The following SEPTIN1 variants were observed in gnomAD, a reference collection of about 807,000 sequenced individuals.
SEPTIN1 encodes the protein septin-1.
In SEPTIN1, 52 loss-of-function variants were observed where a neutral mutation model predicts 50.7. The observed-to-expected ratio is 1.03, with a 90% CI of 0.82 to 1.29. The LOEUF is 1.29. SEPTIN1 is among the 50% of genes most tolerant of loss of function. The pLI is 0.00. For missense variants in SEPTIN1, 455 were observed against 490.7 expected (o/e 0.93, Z 0.69); for synonymous variants, 204 against 189.1 (o/e 1.08, Z -0.65).
rs987724559 is a variant in SEPTIN1 at position 30,378,193 on chromosome 16, C to G, written c.*241G>C. 2.3e-5 allele frequency: 16 copies of G among 697,942 alleles called. No homozygotes were observed. The highest frequency in any genetic ancestry group is 4.1e-5 in the Non-Finnish European group (16 of 389,210). The allele number at this position is 697,942 out of a possible 1,614,324, so 43.2% of individuals were successfully genotyped here. A position where few individuals can be genotyped will look rare whatever the true frequency, so the allele number is the denominator to read the frequency against. On this transcript the variant is annotated 3_prime_UTR_variant, in exon 11 of 11. Coordinates refer to ENST00000321367, the MANE Select transcript of SEPTIN1 (RefSeq NM_001365977.2). ...GAGTCTGGGAGAAGAAGGGGGACTC[C>G]GGAAGACAGTGATGCGGTCGGAGAT...
In SEPTIN1 at chr16:30,379,967, C is replaced by T; in HGVS notation, c.640G>A (p.Asp214Asn). Reference sequence around the variant, plus strand: ...GCATCCTGCCTCTTGAAGTCTTCATCTTCATCAGAGTCACATTCGGGGAAC... The same window carrying T: ...GCATCCTGCCTCTTGAAGTCTTCATTTTCATCAGAGTCACATTCGGGGAAC... Reference protein sequence around the residue: ...YQFPECDSDEDEDFKRQDAEM... With the variant: ...YQFPECDSDENEDFKRQDAEM... Residue 214 changes from aspartate to asparagine, a missense_variant, in exon 7 of 11, where the codon GAT becomes AAT. Transcript: ENST00000321367. 1 of 1,605,708 alleles carries T rather than the reference C, an allele frequency of 6.2e-7. No individual in the cohort carries two copies.
At position 30,378,246 on chromosome 16, in the gene SEPTIN1, C is replaced by T. The variant is rs756967278; in HGVS notation, c.*188G>A. 40 of 663,188 alleles carry T rather than the reference C, an allele frequency of 6.0e-5. No individual in the cohort carries two copies. Among genetic ancestry groups the T allele is most frequent in the Non-Finnish European group, 8.2e-5 (31 of 379,370 alleles). The allele number at this position is 663,188 out of a possible 1,614,324, so 41.1% of individuals were successfully genotyped here. On this transcript the variant is annotated 3_prime_UTR_variant, in exon 11 of 11. Coordinates refer to ENST00000321367, the MANE Select transcript of SEPTIN1 (RefSeq NM_001365977.2). ...TGCAGGCCCCGGGCCGGGAAGTGGG[C>T]GGTGTCTGGGTGGGCGGGACCAGCG... is the stretch of plus-strand genomic sequence containing the variant.
Position 30,378,662 on chromosome 16 carries a change from G to A in SEPTIN1, c.980C>T (p.Pro327Leu). ...CTCGGTGTCCGCCAGAGGCAGCATG[G>A]GCAGCGGGATCTCTGTGGCGCTCTG... ...SRQSATEIPL[P>L]MLPLADTEKL... is the part of the protein sequence containing the mutation. The change falls in exon 10 of 11, where the codon CCC (proline) becomes CTC (leucine). Residue 327 changes from proline (P) to leucine (L), a missense_variant. Physicochemically the swap from Pro to Leu is moderately conservative, Grantham distance 98. Transcript: ENST00000321367. 2 of 1,609,778 alleles carry A rather than the reference G, an allele frequency of 1.2e-6. No individual in the cohort carries two copies. The highest frequency in any genetic ancestry group is 1.7e-6 in the Non-Finnish European group (2 of 1,179,852).
At chr16:30,379,675 G>T (rs1269770281) in intron 7 of SEPTIN1, 141 bp from the exon 8 acceptor site, 11 of 473,138 alleles carry the variant, frequency 2.3e-5, no homozygotes, top group Non-Finnish European at 3.6e-5. Flanking sequence ...TTGAGACAGG[G>T]TCTCACTCCA....
chr16:30,380,870 T>G, intron 6 of SEPTIN1: 1 of 521,360 alleles, frequency 1.9e-6, no homozygotes, highest in South Asian at 2.3e-5. Flanking sequence ...GAAGTCACTA[T>G]GTTCTCATGT....
At chr16:30,380,768 TAA>T (rs11325889) in intron 6 of SEPTIN1, 72 of 267,732 alleles carry the variant, frequency 2.7e-4, no homozygotes, top group African/African-American at 1.1e-3. Context: ...AGACTCTATC[TAA>T]AAAAAAAAAG....
At chr16:30,379,314 C>T (rs2049805234) in intron 8 of SEPTIN1, 121 bp downstream of exon 8, 3 of 1,434,556 alleles carry the variant, frequency 2.1e-6, no homozygotes, top group Non-Finnish European at 2.9e-6. Context: ...CCCAGCGACC[C>T]CCCTTTCCTC....
chr16:30,379,144 C>A lies in SEPTIN1; in HGVS notation c.815G>T (p.Arg272Leu). ...PHHCDFLNLRRMLVQTHLQDL... is the reference protein window; with the variant it reads ...PHHCDFLNLRLMLVQTHLQDL... ...CTGCAGGTGTGTCTGCACCAGCATC[C>A]GTCGCAGGTTCAGGAAATCGCAGTG... Residue 272 changes from arginine (R) to leucine (L), a missense_variant, in exon 9 of 11, where the codon CGG becomes CTG. Transcript: ENST00000321367. 6.2e-7 allele frequency: 1 copy of A among 1,614,130 alleles called. No homozygotes were observed. The highest frequency in any genetic ancestry group is 8.5e-7 in the Non-Finnish European group (1 of 1,180,018).
At chr16:30,382,746 C>T, upstream of SEPTIN1, 1 of 1,536,246 alleles carries the variant, frequency 6.5e-7, no homozygotes, top group East Asian at 2.4e-5. This position sits in a 1 kb window ranked among gnomAD's most constrained non-coding sequence, Gnocchi z 4.8. Flanking sequence ...TTCAACCCTC[C>T]ATCCTTCACA....
At chr16:30,379,322 C>A in intron 8 of SEPTIN1, 113 bp downstream of exon 8, 1 of 1,429,006 alleles carries the variant, frequency 7.0e-7, no homozygotes, top group Non-Finnish European at 9.7e-7. Context: ...CCCCCCTTTC[C>A]TCCTAGGATC....
chr16:30,378,161 G>T lies in SEPTIN1; in HGVS notation c.*273C>A. The T allele has an allele frequency of 1.4e-6, 1 of 710,628 alleles. No individual in the cohort carries two copies. The highest frequency in any genetic ancestry group is 2.5e-6 in the Non-Finnish European group (1 of 395,798). 44.0% of individuals were successfully genotyped at this position (710,628 alleles called of 1,614,324 possible). A position where few individuals can be genotyped will look rare whatever the true frequency, so the allele number is the denominator to read the frequency against. On this transcript the variant is annotated 3_prime_UTR_variant, in exon 11 of 11. Coordinates refer to ENST00000321367, the MANE Select transcript of SEPTIN1 (RefSeq NM_001365977.2). ...GGCCGCGGGAAGCTCAGTTTTTATT[G>T]AAGACAGAGTCTGGGAGAAGAAGGG...
intron 6 of SEPTIN1, chr16:30,380,250 T>TAAG (rs1230342620): frequency 2.9e-6 from 1 of 344,760 alleles, no homozygotes; most frequent in African/African-American, 2.1e-5. Context: ...GGGCAGACAT[T>TAAG]AAGAGACCAG....
At position 30,378,221 on chromosome 16, in the gene SEPTIN1, T is replaced by C. The variant is rs931532839; in HGVS notation, c.*213A>G. On this transcript the variant is annotated 3_prime_UTR_variant, in exon 11 of 11. Coordinates refer to ENST00000321367, the MANE Select transcript of SEPTIN1 (RefSeq NM_001365977.2). ...AAGACAGTGATGCGGTCGGAGATTG[T>C]GCAGGCCCCGGGCCGGGAAGTGGGC... 3.0e-6 allele frequency: 2 copies of C among 671,512 alleles called. No individual in the cohort carries two copies. The highest frequency in any genetic ancestry group is 1.8e-5 in the African/African-American group (1 of 55,172). 41.6% of individuals were successfully genotyped at this position (671,512 alleles called of 1,614,324 possible). A position where few individuals can be genotyped will look rare whatever the true frequency, so the allele number is the denominator to read the frequency against.
chr16:30,380,363 T>A, intron 6 of SEPTIN1: 1 of 160,490 alleles, frequency 6.2e-6, no homozygotes, highest in Non-Finnish European at 1.4e-5. Flanking sequence ...GTCCAGTGGC[T>A]CCATCTTGGT....
intron 6 of SEPTIN1, chr16:30,380,778 A>AG (rs111555174): frequency 5.3e-4 from 142 of 268,618 alleles, no homozygotes; most frequent in Middle Eastern, 1.4e-3. Flanking sequence ...TAAAAAAAAA[A>AG]AGAGAGAGAA....
At position 30,381,918 on chromosome 16, in the gene SEPTIN1, G is replaced by A. The variant is rs765064138; in HGVS notation, c.197-35C>T. The stretch of plus-strand genomic sequence containing the variant: ...GGGGGAGAGGTCAGGGATCCGGGGA[G>A]GCTCTGAGGCAGAATTAATTTCCTT... On this transcript the variant is annotated intron_variant, in intron 3 of 10. Transcript: ENST00000321367. The surrounding 1 kb of genome is among the most constrained non-coding windows in gnomAD (Gnocchi z 4.3). The A allele has an allele frequency of 1.2e-6, 2 of 1,612,556 alleles. No homozygotes were observed. Among genetic ancestry groups the A allele is most frequent in the Non-Finnish European group, 8.5e-7 (1 of 1,179,340 alleles).
chr16:30,381,912 C>T lies in SEPTIN1; in HGVS notation c.197-29G>A, dbSNP rs200443868. On this transcript the variant is annotated intron_variant, in intron 3 of 10. Coordinates refer to ENST00000321367, the MANE Select transcript of SEPTIN1 (RefSeq NM_001365977.2). This position sits in a 1 kb window ranked among gnomAD's most constrained non-coding sequence, Gnocchi z 4.3. ...TGGGATGGGGGAGAGGTCAGGGATC[C>T]GGGGAGGCTCTGAGGCAGAATTAAT... 21 of 1,613,216 alleles carry T rather than the reference C, an allele frequency of 1.3e-5. 1 individual carries two copies. In the East Asian group the frequency reaches 3.6e-4, roughly 27 times the overall value.
In SEPTIN1 at chr16:30,381,746, T is replaced by C; in HGVS notation, c.320+14A>G. The C allele has an allele frequency of 6.2e-7, 1 of 1,613,654 alleles. No individual in the cohort carries two copies. Among genetic ancestry groups the C allele is most frequent in the African/African-American group, 1.3e-5 (1 of 74,996 alleles). On this transcript the variant is annotated intron_variant, in intron 4 of 10. Coordinates refer to ENST00000321367, the MANE Select transcript of SEPTIN1 (RefSeq NM_001365977.2). This position sits in a 1 kb window ranked among gnomAD's most constrained non-coding sequence, Gnocchi z 4.3. Reference sequence around the variant, plus strand: ...GTGAAAGGCTGAGCCTCTGTCCCCTTTCCTCTTCCTCACCAGTCAGAGCAG... The same window carrying C: ...GTGAAAGGCTGAGCCTCTGTCCCCTCTCCTCTTCCTCACCAGTCAGAGCAG...
At chr16:30,378,842 TGGGGAGAGAG>T (rs2049791936) in intron 9 of SEPTIN1, 142 bp from the exon 10 acceptor site, 16 of 251,190 alleles carry the variant, frequency 6.4e-5, no homozygotes, top group South Asian at 6.2e-4. Flanking sequence ...GCAAAGCGGG[TGGGGAGAGAG>T]GGGGAGAGAG....
Sources: allele counts gnomAD v4.1 joint callset, GRCh38; gene constraint gnomAD v4.1.1; non-coding constraint Gnocchi (gnomAD v3.1); transcripts MANE v1.5; gene names NCBI Gene and HGNC (gene_info 2026-07-23, HGNC 2026-07-21).